Variants in GABRB1 observed in about 807,000 individuals in gnomAD.
GABRB1 encodes gamma-aminobutyric acid type A receptor subunit beta1, also known as gamma-aminobutyric acid receptor subunit beta-1.
GABRB1 carries 17 observed loss-of-function variants against 51.6 expected under a neutral mutation model. The ratio of observed to expected loss-of-function variants is 0.33; its 90% CI spans 0.23 to 0.49. The LOEUF is 0.49. Ranked by LOEUF, GABRB1 falls within the 20% of genes least tolerant of loss-of-function variation. The probability of loss-of-function intolerance (pLI) is 0.99; values close to 1 mark genes in which losing one functional copy is unlikely to be tolerated. For synonymous variants in GABRB1, 247 were observed against 218.9 expected (o/e 1.13, Z -1.14); for missense variants, 410 against 600.6 (o/e 0.68, Z 3.32).
At chr4:47,182,564 T>A (rs115615098) in intron 4 of GABRB1, among the ~76,000 whole-genome samples, 1,955 of 152,060 alleles carry the variant, frequency 0.013, 19 homozygotes, top group Non-Finnish European at 0.019. Context: ...TATTGTGGAA[T>A]TTTGTTATAA....
intron 4 of GABRB1, among the ~76,000 whole-genome samples, chr4:47,215,661 G>A (rs1268084660): frequency 6.6e-6 from 1 of 152,006 alleles, no homozygotes; most frequent in African/African-American, 2.4e-5. Context: ...TCATATTTTA[G>A]AATAATTGTT....
At chr4:47,001,447 T>C (rs1298758523) in intron 1 of GABRB1, among the ~76,000 whole-genome samples, 1 of 152,194 alleles carries the variant, frequency 6.6e-6, no homozygotes, top group African/African-American at 2.4e-5. Context: ...CGGCCAGATA[T>C]TATTTTCAAT....
At chr4:47,421,877 G>T (rs1013408313) in intron 8 of GABRB1, among the ~76,000 whole-genome samples, 2 of 151,980 alleles carry the variant, frequency 1.3e-5, no homozygotes, top group African/African-American at 4.8e-5. Flanking sequence ...TTCATATTTT[G>T]TGATTATCTT....
chr4:47,122,547 A>T (rs1715823539), intron 3 of GABRB1, among the ~76,000 whole-genome samples: 1 of 152,122 alleles, frequency 6.6e-6, no homozygotes, highest in South Asian at 2.1e-4. Context: ...TACTACTCTC[A>T]TGGTAAAATA....
chr4:47,417,298 C>T (rs543766912), intron 8 of GABRB1, among the ~76,000 whole-genome samples: 45 of 151,806 alleles, frequency 3.0e-4, no homozygotes, highest in South Asian at 2.1e-3. Flanking sequence ...TTTCTATTTC[C>T]TGAATAATAT....
intron 8 of GABRB1, among the ~76,000 whole-genome samples, chr4:47,425,422 T>C (rs1012238116): frequency 6.6e-5 from 9 of 136,870 alleles, no homozygotes; most frequent in Admixed American, 6.6e-4. Flanking sequence ...CACACACAAG[T>C]GTTCTGTGAG....
intron 4 of GABRB1, among the ~76,000 whole-genome samples, chr4:47,200,665 T>C (rs1292830754): frequency 3.3e-5 from 5 of 152,156 alleles, no homozygotes; most frequent in Admixed American, 1.3e-4. Flanking sequence ...TCTTTCTAGA[T>C]ACTTAAATCC....
intron 3 of GABRB1, among the ~76,000 whole-genome samples, chr4:47,126,756 T>C (rs999168526): frequency 6.6e-6 from 1 of 152,028 alleles, no homozygotes; most frequent in African/African-American, 2.4e-5. Flanking sequence ...GTTTAATGGG[T>C]ACACAAATAG....
chr4:47,164,624 C>T (rs62305327), intron 4 of GABRB1, among the ~76,000 whole-genome samples: 2 of 152,000 alleles, frequency 1.3e-5, no homozygotes, highest in African/African-American at 2.4e-5. Context: ...ATTCCATAAT[C>T]GTAACAGCAT....
chr4:47,090,309 T>G (rs1577898274), intron 3 of GABRB1, among the ~76,000 whole-genome samples: 1 of 152,352 alleles, frequency 6.6e-6, no homozygotes, highest in East Asian at 1.9e-4. Context: ...TCCATCTATT[T>G]CAGATTACAA....
intron 5 of GABRB1, among the ~76,000 whole-genome samples, chr4:47,355,367 G>A (rs1416443097): frequency 1.3e-5 from 2 of 151,992 alleles, no homozygotes; most frequent in Non-Finnish European, 2.9e-5. Context: ...CAATGTGCAG[G>A]TAGTGTCTAG....
intron 4 of GABRB1, among the ~76,000 whole-genome samples, chr4:47,189,898 A>C (rs1719363113): frequency 6.6e-6 from 1 of 151,952 alleles, no homozygotes; most frequent in African/African-American, 2.4e-5. Flanking sequence ...TCTGTTGTAC[A>C]ACATACTATT....
chr4:47,265,797 TTTG>T (rs1014273266), intron 4 of GABRB1, among the ~76,000 whole-genome samples: 12 of 152,070 alleles, frequency 7.9e-5, no homozygotes, highest in Admixed American at 2.0e-4. Context: ...TCATTTGTTT[TTTG>T]TTGTTGTTGT....
At chr4:47,037,557 G>T (rs28696049) in intron 3 of GABRB1, among the ~76,000 whole-genome samples, 3,362 of 143,718 alleles carry the variant, frequency 0.023, 124 homozygotes, top group African/African-American at 0.081. Context: ...GTTGTTTTTT[G>T]TTTTTTTTTT....
intron 4 of GABRB1, among the ~76,000 whole-genome samples, chr4:47,195,003 A>T (rs1017749967): frequency 5.9e-5 from 9 of 152,172 alleles, no homozygotes; most frequent in African/African-American, 2.2e-4. Flanking sequence ...TGGAGGATTC[A>T]TTAGTTTCAC....
intron 4 of GABRB1, among the ~76,000 whole-genome samples, chr4:47,230,908 C>A (rs1264096837): frequency 6.6e-6 from 1 of 152,128 alleles, no homozygotes; most frequent in Non-Finnish European, 1.5e-5. Context: ...GAAAGGTAGT[C>A]AAATGACTGC....
At chr4:47,258,686 A>T (rs560681006) in intron 4 of GABRB1, among the ~76,000 whole-genome samples, 1 of 152,330 alleles carries the variant, frequency 6.6e-6, no homozygotes, top group South Asian at 2.1e-4. Flanking sequence ...GAATTACAAT[A>T]TTCAGTATAT....
intron 4 of GABRB1, among the ~76,000 whole-genome samples, chr4:47,164,576 G>T (rs1279370239): frequency 6.6e-6 from 1 of 152,064 alleles, no homozygotes; most frequent in Non-Finnish European, 1.5e-5. Flanking sequence ...TGGGATCAAT[G>T]AGATGTTCTG....
chr4:47,216,481 T>C (rs1286036003), intron 4 of GABRB1, among the ~76,000 whole-genome samples: 2 of 151,932 alleles, frequency 1.3e-5, no homozygotes, highest in Non-Finnish European at 2.9e-5. Flanking sequence ...TTGAACCCCA[T>C]TTAGCATCAG....
Sources: allele counts gnomAD v4.1 joint callset (sites outside exome capture counted in the v4.1 genomes callset), GRCh38; gene constraint gnomAD v4.1.1; transcripts MANE v1.5; gene names NCBI Gene and HGNC (gene_info 2026-07-23, HGNC 2026-07-21).